Variants in NAP1L4 observed in about 807,000 individuals in gnomAD.
NAP1L4 encodes the protein nucleosome assembly protein 1 like 4.
NAP1L4 carries 15 observed loss-of-function variants against 58.2 expected under a neutral mutation model. The ratio of observed to expected loss-of-function variants is 0.26; its 90% CI spans 0.17 to 0.40. The LOEUF (loss-of-function observed/expected upper bound fraction) is 0.40. Ranked by LOEUF, NAP1L4 falls within the 10% of genes least tolerant of loss-of-function variation. The probability of loss-of-function intolerance (pLI) is 1.00; values close to 1 mark genes in which losing one functional copy is unlikely to be tolerated. For synonymous variants in NAP1L4, 171 were observed against 155.6 expected (o/e 1.10, Z -0.74); for missense variants, 384 against 451.1 (o/e 0.85, Z 1.35).
At chr11:2,965,228 G>A (rs546824555) in intron 7 of NAP1L4, among the ~76,000 whole-genome samples, 1 of 152,346 alleles carries the variant, frequency 6.6e-6, no homozygotes, top group Admixed American at 6.5e-5. Flanking sequence ...AGTTGTGCAT[G>A]GCTTAACAAT....
chr11:2,962,887 G>A (rs1847018159), intron 8 of NAP1L4, among the ~76,000 whole-genome samples: 1 of 151,932 alleles, frequency 6.6e-6, no homozygotes, highest in Non-Finnish European at 1.5e-5. Context: ...GGATCACGAG[G>A]TCAAGAGATT....
chr11:2,978,427 T>C, intron 2 of NAP1L4, 85 bp from the exon 3 acceptor site: 3 of 1,248,282 alleles, frequency 2.4e-6, no homozygotes, highest in East Asian at 5.1e-5. Context: ...TTATTCAATA[T>C]ATTAAGAGGT....
intron 10 of NAP1L4, among the ~76,000 whole-genome samples, chr11:2,956,720 C>A (rs1277567483): frequency 1.3e-5 from 2 of 152,222 alleles, no homozygotes; most frequent in Non-Finnish European, 2.9e-5. Context: ...CTCCCCAGGG[C>A]ACTCTGGCCC....
At chr11:2,972,497 C>T (rs1387157600) in intron 4 of NAP1L4, among the ~76,000 whole-genome samples, 2 of 151,994 alleles carry the variant, frequency 1.3e-5, no homozygotes, top group Non-Finnish European at 1.5e-5. Context: ...ATAAAATATC[C>T]AAAAGAATGC....
chr11:2,965,928 T>C (rs1847251611), intron 7 of NAP1L4, among the ~76,000 whole-genome samples: 1 of 152,112 alleles, frequency 6.6e-6, no homozygotes, highest in South Asian at 2.1e-4. Flanking sequence ...AGCGTACAAT[T>C]CTTATCTGTG....
chr11:2,947,668 C>T (rs920756295), intron 15 of NAP1L4, among the ~76,000 whole-genome samples: 3 of 151,696 alleles, frequency 2.0e-5, no homozygotes, highest in Admixed American at 6.6e-5. Context: ...TCCTTTATCT[C>T]ATGTCACAAA....
At chr11:2,975,959 G>A (rs1474602986) in intron 4 of NAP1L4, 65 bp downstream of exon 4, 3 of 1,394,878 alleles carry the variant, frequency 2.2e-6, no homozygotes, top group East Asian at 2.3e-5. Flanking sequence ...ACTGAAAAGT[G>A]GTTTTTCCTT....
At chr11:2,953,310 G>T (rs1041552448) in intron 12 of NAP1L4, among the ~76,000 whole-genome samples, 5 of 152,206 alleles carry the variant, frequency 3.3e-5, no homozygotes, top group Non-Finnish European at 7.3e-5. Context: ...TTAAACTGAC[G>T]GGTGTATGAT....
At chr11:2,963,500 A>G (rs1354485188) in intron 8 of NAP1L4, among the ~76,000 whole-genome samples, 1 of 152,162 alleles carries the variant, frequency 6.6e-6, no homozygotes, top group Non-Finnish European at 1.5e-5. Context: ...CCACCTAGAG[A>G]GGGACACCTG....
chr11:2,973,764 G>T (rs1847784541), intron 4 of NAP1L4, among the ~76,000 whole-genome samples: 1 of 152,146 alleles, frequency 6.6e-6, no homozygotes, highest in African/African-American at 2.4e-5. Flanking sequence ...TTTCTGCACT[G>T]GTCATTCATT....
At chr11:2,982,782 G>A (rs967730553) in intron 1 of NAP1L4, among the ~76,000 whole-genome samples, 2 of 152,170 alleles carry the variant, frequency 1.3e-5, no homozygotes, top group African/African-American at 4.8e-5. Context: ...CAGCACTTTG[G>A]GAGGCCAAGG....
In NAP1L4 at chr11:2,951,654, A is replaced by T; in HGVS notation, c.1065+126T>A. On this transcript the variant is annotated intron_variant, in intron 13 of 15. Transcript: ENST00000380542. This position sits in a 1 kb window ranked among gnomAD's most constrained non-coding sequence, Gnocchi z 4.0. Reference sequence around the variant, plus strand: ...TGCTTAGTGTTTTAAGAACATTCTTAGAATCAAAGACAGCGTCACAAAAAA... The same window carrying T: ...TGCTTAGTGTTTTAAGAACATTCTTTGAATCAAAGACAGCGTCACAAAAAA... The T allele has an allele frequency of 2.3e-6, 2 of 884,762 alleles. No homozygotes were observed. The highest frequency in any genetic ancestry group is 3.6e-6 in the Non-Finnish European group (2 of 551,658). The allele number at this position is 884,762 out of a possible 1,614,324, so 54.8% of individuals were successfully genotyped here. A position where few individuals can be genotyped will look rare whatever the true frequency, so the allele number is the denominator to read the frequency against.
rs1009867765 is a variant in NAP1L4 at position 2,959,239 on chromosome 11, A to G, written c.746+531T>C. ...CTGGTAAATAAACGTAATTGTTTCA[A>G]GTCAAGACTAAAACCATTTCTCAGT... On this transcript the variant is annotated intron_variant, in intron 9 of 15. Coordinates refer to ENST00000380542, the MANE Select transcript of NAP1L4 (RefSeq NM_005969.4). The surrounding 1 kb of genome is among the most constrained non-coding windows in gnomAD (Gnocchi z 4.9). Among the ~76,000 whole-genome samples the G allele has an allele frequency of 2.5e-4, 38 of 152,372 alleles. No homozygotes were observed. Among genetic ancestry groups the G allele is most frequent in the African/African-American group, 9.1e-4 (38 of 41,594 alleles).
At chr11:2,966,696 T>A (rs1183770160) in intron 7 of NAP1L4, among the ~76,000 whole-genome samples, 1 of 152,200 alleles carries the variant, frequency 6.6e-6, no homozygotes, top group Non-Finnish European at 1.5e-5. Flanking sequence ...CAGTCTCCAA[T>A]GCTGCGCGTG....
At chr11:2,969,476 G>A (rs1381003590) in intron 7 of NAP1L4, among the ~76,000 whole-genome samples, 1 of 151,876 alleles carries the variant, frequency 6.6e-6, no homozygotes, top group African/African-American at 2.4e-5. Context: ...GACAGAGATG[G>A]GCTCTGGAAT....
At chr11:2,978,430 T>A in intron 2 of NAP1L4, 88 bp from the exon 3 acceptor site, 1 of 1,250,514 alleles carries the variant, frequency 8.0e-7, no homozygotes, top group Non-Finnish European at 1.1e-6. Context: ...TTCAATATAT[T>A]AAGAGGTATC....
In NAP1L4 at chr11:2,954,261, G is replaced by C. The variant is rs187379283; in HGVS notation, c.1035+266C>G. ...GCTTAGGTTTTGAGAGAATATTGTTGAGTCACTAGGCAGGGCTCACATAGG... is the reference window on the plus strand; with the variant it reads ...GCTTAGGTTTTGAGAGAATATTGTTCAGTCACTAGGCAGGGCTCACATAGG... On this transcript the variant is annotated intron_variant, in intron 12 of 15. Transcript: ENST00000380542. This position sits in a 1 kb window ranked among gnomAD's most constrained non-coding sequence, Gnocchi z 4.8. 3 of 534,668 alleles carry C rather than the reference G, an allele frequency of 5.6e-6. 1 individual carries two copies. In the South Asian group the frequency reaches 6.6e-5, roughly 12 times the overall value. The allele number at this position is 534,668 out of a possible 1,614,324, so 33.1% of individuals were successfully genotyped here.
intron 1 of NAP1L4, among the ~76,000 whole-genome samples, chr11:2,987,586 C>T (rs1848711908): frequency 6.6e-6 from 1 of 151,312 alleles, no homozygotes. Context: ...TGAAACCCGT[C>T]TCTACTAAAA....
At chr11:2,984,537 C>G (rs1324739511) in intron 1 of NAP1L4, among the ~76,000 whole-genome samples, 3 of 152,192 alleles carry the variant, frequency 2.0e-5, no homozygotes, top group African/African-American at 7.2e-5. Context: ...CGCCATTGCA[C>G]TCCAGCCTGG....
Sources: gnomAD v4.1 joint callset for allele counts (sites outside exome capture counted in the v4.1 genomes callset) on GRCh38, gnomAD v4.1.1 for gene constraint, Gnocchi (gnomAD v3.1) non-coding constraint, MANE v1.5 for transcripts, NCBI Gene and HGNC (gene_info 2026-07-23, HGNC 2026-07-21) for gene names.